CDKAL1: variants seen among roughly 807,000 people sequenced by gnomAD.
CDKAL1 encodes the protein threonylcarbamoyladenosine tRNA methylthiotransferase.
CDKAL1 carries 32 observed loss-of-function variants against 68.2 expected under a neutral mutation model. The ratio of observed to expected loss-of-function variants is 0.47; its 90% CI spans 0.35 to 0.63. The LOEUF is 0.63. CDKAL1 is among the 30% of genes least tolerant of loss of function. The pLI, the probability that CDKAL1 is intolerant of heterozygous loss-of-function variation, is 0.00. For synonymous variants in CDKAL1, 234 were observed against 244.3 expected (o/e 0.96, Z 0.39); for missense variants, 606 against 696.7 (o/e 0.87, Z 1.47).
In CDKAL1 at chr6:20,604,507, C is replaced by T. The variant is rs560941673; in HGVS notation, c.287-44786C>T. On this transcript the variant is annotated intron_variant, in intron 4 of 15. Coordinates refer to ENST00000274695, the MANE Select transcript of CDKAL1 (RefSeq NM_017774.3). ...CTTTCTCTACCTATAATGCTTCTGC[C>T]AGCACCACCATCTGTAGACTCACAT... 3.1e-4 allele frequency among the ~76,000 whole-genome samples: 47 copies of T among 152,312 alleles called. 3 individuals are homozygous for T. The highest frequency in any genetic ancestry group is 1.0e-3 in the African/African-American group (43 of 41,564).
intron 4 of CDKAL1, among the ~76,000 whole-genome samples, chr6:20,641,653 T>A (rs1263423665): frequency 3.3e-5 from 5 of 152,258 alleles, no homozygotes; most frequent in Non-Finnish European, 7.3e-5. Context: ...TCACAGAGAT[T>A]GTTACAAATT....
At chr6:20,649,050 G>A (rs2179553) in intron 4 of CDKAL1, among the ~76,000 whole-genome samples, 33,889 of 152,140 alleles carry the variant, frequency 0.22, 4,077 homozygotes, top group African/African-American at 0.27. Context: ...AGCATTGAAA[G>A]TAAAGGAAGA....
intron 13 of CDKAL1, among the ~76,000 whole-genome samples, chr6:21,142,138 G>C (rs1775947318): frequency 1.3e-5 from 2 of 152,220 alleles, no homozygotes; most frequent in South Asian, 4.1e-4. Context: ...TTTTGTACCA[G>C]ATTCCAAGTT....
At chr6:20,604,284 A>G (rs1342662381) in intron 4 of CDKAL1, among the ~76,000 whole-genome samples, 1 of 152,162 alleles carries the variant, frequency 6.6e-6, no homozygotes, top group Non-Finnish European at 1.5e-5. Flanking sequence ...TCCCTTTACA[A>G]GACTGATTGG....
At chr6:21,107,399 C>T (rs1467269382) in intron 12 of CDKAL1, among the ~76,000 whole-genome samples, 5 of 151,950 alleles carry the variant, frequency 3.3e-5, no homozygotes, top group Admixed American at 2.0e-4. Flanking sequence ...ATGAAAAGAG[C>T]GTTCTCTTTC....
chr6:20,646,044 T>C (rs1469598561), intron 4 of CDKAL1, among the ~76,000 whole-genome samples: 1 of 130,820 alleles, frequency 7.6e-6, no homozygotes, highest in Non-Finnish European at 1.6e-5. Flanking sequence ...TATTTCACGG[T>C]TAAATTTTTT....
intron 10 of CDKAL1, among the ~76,000 whole-genome samples, chr6:20,980,930 G>A (rs1040950057): frequency 1.3e-5 from 2 of 152,150 alleles, no homozygotes. Flanking sequence ...TCAGACTTAC[G>A]TTATGGTTTG....
chr6:20,890,222 C>T (rs1291702958), intron 9 of CDKAL1, among the ~76,000 whole-genome samples: 1 of 152,212 alleles, frequency 6.6e-6, no homozygotes, highest in African/African-American at 2.4e-5. Flanking sequence ...TGATGTTTTA[C>T]AATGTACACA....
chr6:20,711,073 G>A (rs1409049662), intron 5 of CDKAL1, among the ~76,000 whole-genome samples: 1 of 152,106 alleles, frequency 6.6e-6, no homozygotes, highest in Non-Finnish European at 1.5e-5. Flanking sequence ...TAGAGGTGTG[G>A]CTTTTTAGTA....
intron 15 of CDKAL1, among the ~76,000 whole-genome samples, chr6:21,212,876 T>A (rs560783292): frequency 1.3e-5 from 2 of 152,246 alleles, no homozygotes; most frequent in African/African-American, 4.8e-5. Context: ...AATCCATATA[T>A]CAAATCAGGT....
intron 11 of CDKAL1, among the ~76,000 whole-genome samples, chr6:21,029,216 TTTTTA>T (rs1359649418): frequency 6.6e-6 from 1 of 152,034 alleles, no homozygotes; most frequent in Non-Finnish European, 1.5e-5. Context: ...TCTGGCTAAT[TTTTTA>T]TTTTATTTTA....
chr6:20,787,549 C>T lies in CDKAL1; in HGVS notation c.638+6284C>T, dbSNP rs149110945. ...GTTCTTGTAACGTTGGTGGAGTCCTCGTTGTCTCTCTTTTTGGGTGGTGAA... is the reference window on the plus strand; with the variant it reads ...GTTCTTGTAACGTTGGTGGAGTCCTTGTTGTCTCTCTTTTTGGGTGGTGAA... On this transcript the variant is annotated intron_variant, in intron 8 of 15. Transcript: ENST00000274695. Among the ~76,000 whole-genome samples, 158 of 152,304 alleles carry T rather than the reference C, an allele frequency of 1.0e-3. 1 individual carries two copies. The highest frequency in any genetic ancestry group is 3.4e-3 in the African/African-American group (143 of 41,562).
intron 10 of CDKAL1, among the ~76,000 whole-genome samples, chr6:20,958,605 GA>G (rs1325180227): frequency 3.3e-5 from 5 of 152,106 alleles, no homozygotes; most frequent in African/African-American, 1.2e-4. Context: ...AGAAAAAACA[GA>G]AGATGAAAAC....
intron 13 of CDKAL1, among the ~76,000 whole-genome samples, chr6:21,181,148 A>C (rs1777774178): frequency 6.6e-6 from 1 of 152,226 alleles, no homozygotes; most frequent in Non-Finnish European, 1.5e-5. Context: ...CCCACTGTCG[A>C]GATAGCTAAC....
At chr6:21,016,287 T>C (rs1175485135) in intron 11 of CDKAL1, among the ~76,000 whole-genome samples, 1 of 152,056 alleles carries the variant, frequency 6.6e-6, no homozygotes, top group African/African-American at 2.4e-5. Context: ...GGTAGAAGAA[T>C]TGGAACCCAG....
At chr6:21,223,788 C>T (rs1399114471) in intron 15 of CDKAL1, among the ~76,000 whole-genome samples, 1 of 152,146 alleles carries the variant, frequency 6.6e-6, no homozygotes, top group East Asian at 1.9e-4. Flanking sequence ...GTGAGGAGGA[C>T]ACATCTGAAG....
chr6:20,797,043 T>C (rs1776137093), intron 8 of CDKAL1, among the ~76,000 whole-genome samples: 1 of 152,138 alleles, frequency 6.6e-6, no homozygotes, highest in Non-Finnish European at 1.5e-5. Context: ...TAATCAAAAT[T>C]AACAACTTTT....
intron 9 of CDKAL1, among the ~76,000 whole-genome samples, chr6:20,941,018 T>C (rs529369918): frequency 1.3e-5 from 2 of 149,798 alleles, no homozygotes; most frequent in East Asian, 2.0e-4. Flanking sequence ...ACCCGGGAGG[T>C]GGAGCTTGCA....
At chr6:20,663,971 G>GA (rs908902452) in intron 5 of CDKAL1, among the ~76,000 whole-genome samples, 39 of 150,176 alleles carry the variant, frequency 2.6e-4, no homozygotes, top group African/African-American at 7.8e-4. Context: ...GATTTCACTT[G>GA]AAAAAAAAAT....
Sources: gnomAD v4.1 joint callset for allele counts (sites outside exome capture counted in the v4.1 genomes callset) on GRCh38, gnomAD v4.1.1 for gene constraint, MANE v1.5 for transcripts, NCBI Gene and HGNC (gene_info 2026-07-23, HGNC 2026-07-21) for gene names.